Variants in AGBL1 observed in about 807,000 individuals in gnomAD.
The protein encoded by AGBL1 is AGBL carboxypeptidase 1.
AGBL1 carries 130 observed loss-of-function variants against 118.9 expected under a neutral mutation model. That is an observed-to-expected ratio of 1.09 (90% confidence interval 0.95 to 1.26). The LOEUF (loss-of-function observed/expected upper bound fraction) is 1.26. Among genes scored for constraint, AGBL1 ranks in the 50% most tolerant of loss-of-function variants. The pLI, the probability that AGBL1 is intolerant of heterozygous loss-of-function variation, is 0.00. For synonymous variants in AGBL1, 555 were observed against 478.9 expected (o/e 1.16, Z -2.08); for missense variants, 1,584 against 1,298.1 (o/e 1.22, Z -3.38).
At chr15:86,344,105 T>C (rs1472901555) in intron 17 of AGBL1, among the ~76,000 whole-genome samples, 2 of 152,208 alleles carry the variant, frequency 1.3e-5, no homozygotes, top group African/African-American at 4.8e-5. Flanking sequence ...TGGAGGGCCA[T>C]TTGAGTTGAA....
chr15:86,472,021 A>G (rs2082485971), intron 18 of AGBL1, among the ~76,000 whole-genome samples: 1 of 152,176 alleles, frequency 6.6e-6, no homozygotes, highest in South Asian at 2.1e-4. Context: ...TGAAGACAGA[A>G]CCACTGACTG....
chr15:86,212,593 T>C (rs2078117229), intron 5 of AGBL1, among the ~76,000 whole-genome samples: 2 of 152,224 alleles, frequency 1.3e-5, no homozygotes, highest in Admixed American at 1.3e-4. Context: ...TTATAGCCCA[T>C]GTTGAACTTC....
intron 22 of AGBL1, among the ~76,000 whole-genome samples, chr15:86,681,722 C>T (rs1234203932): frequency 1.3e-5 from 2 of 152,146 alleles, no homozygotes; most frequent in Admixed American, 1.3e-4. Context: ...TAGAGAGGTC[C>T]TCTTGTTTTA....
intron 5 of AGBL1, among the ~76,000 whole-genome samples, chr15:86,166,799 A>G (rs1412386275): frequency 6.6e-6 from 1 of 152,166 alleles, no homozygotes; most frequent in Non-Finnish European, 1.5e-5. Context: ...TGGATCAAAT[A>G]AGTTACACAG....
At chr15:86,747,803 T>G (rs1405345416) in intron 22 of AGBL1, among the ~76,000 whole-genome samples, 1 of 152,192 alleles carries the variant, frequency 6.6e-6, no homozygotes, top group Non-Finnish European at 1.5e-5. Context: ...ACAAAGGACA[T>G]GAACTCATCA....
At chr15:86,293,202 T>C (rs990312090) in intron 16 of AGBL1, among the ~76,000 whole-genome samples, 2 of 152,206 alleles carry the variant, frequency 1.3e-5, no homozygotes, top group Admixed American at 1.3e-4. Context: ...ATTGCTGCAG[T>C]AACAAACTAC....
chr15:86,658,052 T>C (rs779581784), intron 21 of AGBL1, among the ~76,000 whole-genome samples: 1 of 152,074 alleles, frequency 6.6e-6, no homozygotes, highest in Non-Finnish European at 1.5e-5. Context: ...TACTATATTG[T>C]ATATGCATAT....
At chr15:86,954,744 A>G (rs557813727) in intron 23 of AGBL1, among the ~76,000 whole-genome samples, 1 of 152,282 alleles carries the variant, frequency 6.6e-6, no homozygotes, top group South Asian at 2.1e-4. Context: ...CAACCTCATC[A>G]TCATGCAATA....
chr15:86,124,491 T>G (rs991176332), intron 1 of AGBL1, among the ~76,000 whole-genome samples: 3 of 152,180 alleles, frequency 2.0e-5, no homozygotes, highest in African/African-American at 7.2e-5. Context: ...AAACTCTTTG[T>G]GCTACCTTTG....
intron 24 of AGBL1, among the ~76,000 whole-genome samples, chr15:87,002,254 T>C (rs1346911404): frequency 6.6e-6 from 1 of 152,124 alleles, no homozygotes; most frequent in Admixed American, 6.5e-5. Flanking sequence ...CCATTTCTTG[T>C]TTTTGTCAGG....
chr15:87,013,709 T>A (rs1485685151), intron 24 of AGBL1, among the ~76,000 whole-genome samples: 1 of 152,188 alleles, frequency 6.6e-6, no homozygotes, highest in African/African-American at 2.4e-5. Flanking sequence ...AAGACTTACA[T>A]GAGGTTACCC....
At chr15:86,162,367 T>G (rs2077278815) in intron 5 of AGBL1, among the ~76,000 whole-genome samples, 1 of 152,202 alleles carries the variant, frequency 6.6e-6, no homozygotes, top group African/African-American at 2.4e-5. Context: ...GCCCTACTTC[T>G]CTAGCAGGAA....
intron 17 of AGBL1, among the ~76,000 whole-genome samples, chr15:86,383,144 G>A (rs2081134802): frequency 6.8e-6 from 1 of 146,806 alleles, no homozygotes; most frequent in Non-Finnish European, 1.5e-5. Flanking sequence ...TTTTTCTGCT[G>A]TCTAGATGTC....
At chr15:86,296,855 T>C (rs1478035356) in intron 17 of AGBL1, 1 of 152,206 alleles carries the variant, frequency 6.6e-6, no homozygotes, top group African/African-American at 2.4e-5. Flanking sequence ...ATTATTTATT[T>C]AAGAAAGTGG....
At chr15:86,244,449 C>T (rs138520947) in intron 6 of AGBL1, among the ~76,000 whole-genome samples, 5 of 152,258 alleles carry the variant, frequency 3.3e-5, no homozygotes, top group East Asian at 1.9e-4. Flanking sequence ...CTCCTCTTGT[C>T]GCATTTTAGA....
chr15:86,945,206 G>A (rs1192097940), intron 23 of AGBL1, among the ~76,000 whole-genome samples: 1 of 120,392 alleles, frequency 8.3e-6, no homozygotes, highest in Admixed American at 1.1e-4. Context: ...ATCTTACCAC[G>A]ACACCCAAGT....
chr15:86,632,468 T>C (rs2084990388), intron 21 of AGBL1, among the ~76,000 whole-genome samples: 1 of 151,952 alleles, frequency 6.6e-6, no homozygotes, highest in Non-Finnish European at 1.5e-5. Flanking sequence ...GTTAATCATG[T>C]CCATTTGAAT....
At chr15:86,959,417 G>A (rs1487685000) in intron 23 of AGBL1, among the ~76,000 whole-genome samples, 1 of 151,986 alleles carries the variant, frequency 6.6e-6, no homozygotes, top group African/African-American at 2.4e-5. Flanking sequence ...CCTGGAAATG[G>A]GTGTTCTCTG....
chr15:86,482,379 A>G (rs1233134043), intron 18 of AGBL1, among the ~76,000 whole-genome samples: 1 of 152,186 alleles, frequency 6.6e-6, no homozygotes, highest in Admixed American at 6.6e-5. Flanking sequence ...GCCATGCTTT[A>G]TCCCCAGGAG....
Sources: allele counts gnomAD v4.1 joint callset (sites outside exome capture counted in the v4.1 genomes callset), GRCh38; gene constraint gnomAD v4.1.1; transcripts MANE v1.5; gene names NCBI Gene and HGNC (gene_info 2026-07-23, HGNC 2026-07-21).